Variants in GRIK2 observed in about 807,000 individuals in gnomAD.
The protein encoded by GRIK2 is glutamate receptor ionotropic, kainate 2.
A neutral mutation model predicts 100.3 loss-of-function variants in GRIK2; 32 were observed. The ratio of observed to expected loss-of-function variants is 0.32; its 90% CI spans 0.24 to 0.43. The LOEUF (loss-of-function observed/expected upper bound fraction) is 0.43. GRIK2 is among the 20% of genes least tolerant of loss of function. The pLI is 1.00. For missense variants in GRIK2, 843 were observed against 1,114.9 expected, an observed-to-expected ratio of 0.76 and a Z score of 3.47; for synonymous variants, 417 against 389.4, an observed-to-expected ratio of 1.07 and a Z score of -0.83.
At chr6:101,915,306 G>A (rs930414820) in intron 12 of GRIK2, among the ~76,000 whole-genome samples, 1 of 151,166 alleles carries the variant, frequency 6.6e-6, no homozygotes, top group Non-Finnish European at 1.5e-5. Context: ...TGCCATGCAG[G>A]TTACATAAAC....
chr6:101,534,117 T>C (rs966399407), intron 2 of GRIK2, among the ~76,000 whole-genome samples: 2 of 142,968 alleles, frequency 1.4e-5, no homozygotes, highest in African/African-American at 5.2e-5. Flanking sequence ...AGAAGCAGCA[T>C]TTGTGATACA....
At chr6:101,615,739 G>T (rs1562262448) in intron 2 of GRIK2, among the ~76,000 whole-genome samples, 1 of 151,718 alleles carries the variant, frequency 6.6e-6, no homozygotes, top group Non-Finnish European at 1.5e-5. Context: ...TCATAGGAAA[G>T]AAAAACATCT....
At chr6:101,999,737 A>T (rs1376551235) in intron 14 of GRIK2, among the ~76,000 whole-genome samples, 1 of 152,010 alleles carries the variant, frequency 6.6e-6, no homozygotes, top group Non-Finnish European at 1.5e-5. Flanking sequence ...GAAAAGATGT[A>T]TTTTCCTTTT....
chr6:101,794,894 C>G (rs1280325065), intron 7 of GRIK2, among the ~76,000 whole-genome samples: 1 of 143,312 alleles, frequency 7.0e-6, no homozygotes, highest in Non-Finnish European at 1.5e-5. Flanking sequence ...GAGACGGAGT[C>G]TCACTTTGTC....
At chr6:101,679,970 C>T (rs1771122129) in intron 5 of GRIK2, among the ~76,000 whole-genome samples, 1 of 152,130 alleles carries the variant, frequency 6.6e-6, no homozygotes, top group South Asian at 2.1e-4. Flanking sequence ...GAAATCCTGA[C>T]CTCGTGATCC....
intron 10 of GRIK2, among the ~76,000 whole-genome samples, chr6:101,856,886 A>AT (rs1784452642): frequency 6.6e-6 from 1 of 152,226 alleles, no homozygotes; most frequent in African/African-American, 2.4e-5. Context: ...GATCAGCTGT[A>AT]TTGGATACTT....
intron 3 of GRIK2, among the ~76,000 whole-genome samples, chr6:101,623,436 T>C (rs1780268119): frequency 6.6e-6 from 1 of 152,128 alleles, no homozygotes; most frequent in Non-Finnish European, 1.5e-5. Flanking sequence ...AAATCATTAA[T>C]TCAAGACTAT....
At chr6:101,447,755 A>G (rs1770461154) in intron 2 of GRIK2, among the ~76,000 whole-genome samples, 1 of 151,644 alleles carries the variant, frequency 6.6e-6, no homozygotes. Flanking sequence ...GGCAATTCAT[A>G]TTGTTAGAAA....
rs577033361 is a variant in GRIK2 at position 101,557,070 on chromosome 6, A to G, written c.116-64879A>G. Among the ~76,000 whole-genome samples the G allele has an allele frequency of 4.6e-5, 7 of 152,250 alleles. No individual in the cohort carries two copies. The South Asian group carries it at 1.5e-3, about 32-fold the overall frequency. ...TTCATTCTCTATATATTTAACCCAC[A>G]TTTTTCTACAAAAGGTAGTTTTAAA... On this transcript the variant is annotated intron_variant, in intron 2 of 16. Coordinates refer to ENST00000369134, the MANE Select transcript of GRIK2 (RefSeq NM_021956.5).
chr6:101,684,417 AT>A (rs768529155), intron 6 of GRIK2, among the ~76,000 whole-genome samples: 1 of 152,176 alleles, frequency 6.6e-6, no homozygotes, highest in Admixed American at 6.5e-5. Flanking sequence ...TCCTTTAGGA[AT>A]TCTCATTTAT....
At chr6:101,931,140 C>G (rs1790258126) in intron 14 of GRIK2, among the ~76,000 whole-genome samples, 1 of 152,044 alleles carries the variant, frequency 6.6e-6, no homozygotes, top group Admixed American at 6.6e-5. Flanking sequence ...ATTTCAATTT[C>G]ATGTTTTCAC....
chr6:101,787,928 G>C (rs1257485180), intron 7 of GRIK2, among the ~76,000 whole-genome samples: 2 of 152,022 alleles, frequency 1.3e-5, no homozygotes, highest in Non-Finnish European at 2.9e-5. Context: ...ATTGTAGTCT[G>C]TCTGTCTCTT....
chr6:101,794,036 G>A (rs1780100988), intron 7 of GRIK2, among the ~76,000 whole-genome samples: 1 of 152,154 alleles, frequency 6.6e-6, no homozygotes, highest in Admixed American at 6.5e-5. Context: ...ATAATCTCCT[G>A]GTGCGCCATT....
chr6:101,564,934 T>G (rs36123441), intron 2 of GRIK2, among the ~76,000 whole-genome samples: 4,855 of 152,196 alleles, frequency 0.032, 272 homozygotes, highest in African/African-American at 0.11. Flanking sequence ...TGGAGCCTCA[T>G]GATTATACTC....
intron 2 of GRIK2, among the ~76,000 whole-genome samples, chr6:101,583,292 G>A (rs1283288389): frequency 1.3e-5 from 2 of 152,108 alleles, no homozygotes; most frequent in Non-Finnish European, 2.9e-5. Context: ...CCTAAGCCAC[G>A]TTAATGAAGG....
chr6:101,979,345 A>G (rs919925550), intron 14 of GRIK2, among the ~76,000 whole-genome samples: 6 of 151,968 alleles, frequency 3.9e-5, no homozygotes, highest in Non-Finnish European at 8.8e-5. Context: ...AAGGGCAATG[A>G]TAGAAAAAGA....
chr6:102,039,686 A>G lies in GRIK2; in HGVS notation c.2311+4120A>G, dbSNP rs1770464708. Among the ~76,000 whole-genome samples the G allele has an allele frequency of 2.0e-5, 3 of 151,486 alleles. No homozygotes were observed. The Admixed American group carries it at 2.0e-4, about 10-fold the overall frequency. ...CTTGGTTTCTCTTTTTCAAATGTTG[A>G]GTGCATATTGCACTTTGAGGACTAG... On this transcript the variant is annotated intron_variant, in intron 15 of 16. Transcript: ENST00000369134.
At position 102,068,340 on chromosome 6, in the gene GRIK2, T is replaced by A. The variant is rs577495733; in HGVS notation, c.2563-7T>A. The A allele has an allele frequency of 6.2e-7, 1 of 1,601,180 alleles. No individual in the cohort carries two copies. Among genetic ancestry groups the A allele is most frequent in the Non-Finnish European group, 8.5e-7 (1 of 1,170,676 alleles). ...GTAATATTTAATTTTTCTGTGTTCT[T>A]CTGTAGAGGTCCTTCTGTAGTGCCA... On this transcript the variant is annotated splice_polypyrimidine_tract_variant and splice_region_variant and intron_variant, in intron 16 of 16. Transcript: ENST00000369134.
At chr6:102,016,583 AT>A (rs1795849751) in intron 14 of GRIK2, among the ~76,000 whole-genome samples, 1 of 151,714 alleles carries the variant, frequency 6.6e-6, no homozygotes. Context: ...TTAAAAAAAA[AT>A]GAAAAGGGCC....
Sources: allele counts gnomAD v4.1 joint callset (sites outside exome capture counted in the v4.1 genomes callset), GRCh38; gene constraint gnomAD v4.1.1; transcripts MANE v1.5; gene names NCBI Gene and HGNC (gene_info 2026-07-23, HGNC 2026-07-21).